SCAPER: variants seen among roughly 807,000 people sequenced by gnomAD.
SCAPER encodes the protein S phase cyclin A-associated protein in the endoplasmic reticulum.
SCAPER carries 98 observed loss-of-function variants against 182.2 expected under a neutral mutation model. The ratio of observed to expected loss-of-function variants is 0.54; its 90% CI spans 0.46 to 0.64. The LOEUF (loss-of-function observed/expected upper bound fraction) is 0.64, where lower values mean the gene tolerates loss of function less well. Ranked by LOEUF, SCAPER falls within the 30% of genes least tolerant of loss-of-function variation. The pLI is 0.00. For missense variants in SCAPER, 1,432 were observed against 1,690.0 expected, an observed-to-expected ratio of 0.85 and a Z score of 2.68; for synonymous variants, 605 against 564.6, an observed-to-expected ratio of 1.07 and a Z score of -1.01.
chr15:76,401,227 A>G (rs1437442237), intron 27 of SCAPER, among the ~76,000 whole-genome samples: 1 of 152,168 alleles, frequency 6.6e-6, no homozygotes, highest in Non-Finnish European at 1.5e-5. Flanking sequence ...AGAACTGTTT[A>G]TATTTCCTAA....
At chr15:76,724,718 T>C (rs2060479627) in intron 17 of SCAPER, among the ~76,000 whole-genome samples, 1 of 152,180 alleles carries the variant, frequency 6.6e-6, no homozygotes, top group Non-Finnish European at 1.5e-5. Flanking sequence ...TTGATCACAT[T>C]AGTTACTGAG....
chr15:76,541,790 A>G (rs1567402173), intron 23 of SCAPER, among the ~76,000 whole-genome samples: 2 of 152,218 alleles, frequency 1.3e-5, no homozygotes, highest in Non-Finnish European at 2.9e-5. Flanking sequence ...TTATCTTCCC[A>G]TGGCCCTTTT....
At chr15:76,357,492 G>A (rs943070829) in intron 29 of SCAPER, among the ~76,000 whole-genome samples, 2 of 152,140 alleles carry the variant, frequency 1.3e-5, no homozygotes, top group Admixed American at 6.5e-5. Context: ...AAAAGAGAAC[G>A]CTTATACGCT....
intron 13 of SCAPER, 83 bp downstream of exon 13, chr15:76,765,254 C>G: frequency 8.6e-7 from 1 of 1,163,500 alleles, no homozygotes; most frequent in South Asian, 1.5e-5. Flanking sequence ...TCCAAAAATG[C>G]CACGTAGCAA....
intron 20 of SCAPER, 35 bp downstream of exon 20, chr15:76,701,723 A>G (rs1405037466): frequency 6.6e-7 from 1 of 1,526,138 alleles, no homozygotes; most frequent in Non-Finnish European, 9.1e-7. Context: ...TGGGTACTCA[A>G]TAAACAATTG....
intron 20 of SCAPER, among the ~76,000 whole-genome samples, chr15:76,693,853 T>C (rs962546921): frequency 6.6e-6 from 1 of 151,488 alleles, no homozygotes; most frequent in Non-Finnish European, 1.5e-5. Context: ...AAGTTAATGT[T>C]TAATAGGCAC....
chr15:76,852,097 G>C (rs2070819841), intron 4 of SCAPER, among the ~76,000 whole-genome samples: 1 of 151,926 alleles, frequency 6.6e-6, no homozygotes, highest in Non-Finnish European at 1.5e-5. Context: ...ACAAAAAAAA[G>C]GGCATTACAT....
chr15:76,424,881 T>C (rs1008795302), intron 26 of SCAPER, among the ~76,000 whole-genome samples: 1 of 152,164 alleles, frequency 6.6e-6, no homozygotes, highest in Admixed American at 6.5e-5. Flanking sequence ...TTATGAAGCT[T>C]AGTTTGGCAG....
intron 23 of SCAPER, among the ~76,000 whole-genome samples, chr15:76,528,018 T>A (rs966515157): frequency 1.6e-4 from 25 of 152,188 alleles, no homozygotes; most frequent in African/African-American, 5.3e-4. Context: ...GGCTCTTCTC[T>A]TTTTGCCTTT....
At chr15:76,701,597 A>C (rs1369059835) in intron 20 of SCAPER, among the ~76,000 whole-genome samples, 161 bp downstream of exon 20, 1 of 152,198 alleles carries the variant, frequency 6.6e-6, no homozygotes, top group East Asian at 1.9e-4. Context: ...ATATACACTA[A>C]AATAATGACA....
chr15:76,666,935 T>C (rs1331210400), intron 20 of SCAPER, among the ~76,000 whole-genome samples: 1 of 152,190 alleles, frequency 6.6e-6, no homozygotes, highest in Non-Finnish European at 1.5e-5. Flanking sequence ...ATCCCATTCC[T>C]TGTCTCGCAT....
chr15:76,853,328 C>T (rs12913730), intron 4 of SCAPER, among the ~76,000 whole-genome samples: 64,815 of 151,910 alleles, frequency 0.43, 14,203 homozygotes, highest in East Asian at 0.59. Context: ...ACTCATTCTA[C>T]GAAGCCAGTA....
chr15:76,646,494 A>G (rs769632939), intron 21 of SCAPER, among the ~76,000 whole-genome samples: 4 of 152,112 alleles, frequency 2.6e-5, no homozygotes, highest in Non-Finnish European at 5.9e-5. Context: ...TCCTATTTCT[A>G]CCTCTACACA....
intron 8 of SCAPER, among the ~76,000 whole-genome samples, chr15:76,791,053 T>C (rs567455011): frequency 6.6e-6 from 1 of 152,356 alleles, no homozygotes; most frequent in African/African-American, 2.4e-5. Context: ...CTCGATGAGT[T>C]ATCTAAAAGC....
At chr15:76,881,056 C>T (rs577731132) in intron 2 of SCAPER, among the ~76,000 whole-genome samples, 7 of 152,208 alleles carry the variant, frequency 4.6e-5, no homozygotes, top group South Asian at 2.1e-4. Flanking sequence ...CTTTTGGTTA[C>T]GTACCCGAAA....
chr15:76,416,954 C>G (rs553802095), intron 26 of SCAPER, among the ~76,000 whole-genome samples: 110 of 152,070 alleles, frequency 7.2e-4, no homozygotes, highest in African/African-American at 2.6e-3. Flanking sequence ...GTAATCCCAG[C>G]TACTCTGGAG....
At chr15:76,539,690 C>A (rs1217670387) in intron 23 of SCAPER, among the ~76,000 whole-genome samples, 6 of 151,802 alleles carry the variant, frequency 4.0e-5, no homozygotes. Flanking sequence ...GGACTACAGG[C>A]GCCCGCCACC....
intron 29 of SCAPER, among the ~76,000 whole-genome samples, chr15:76,362,522 C>T (rs553234549): frequency 2.0e-5 from 3 of 151,788 alleles, no homozygotes; most frequent in Admixed American, 1.3e-4. Context: ...AAGCAATTCT[C>T]CTGCCTCAGC....
intron 22 of SCAPER, among the ~76,000 whole-genome samples, chr15:76,606,579 T>C (rs1291358548): frequency 6.6e-6 from 1 of 151,752 alleles, no homozygotes; most frequent in Non-Finnish European, 1.5e-5. Context: ...CTTGTTAACT[T>C]TCTGTCTTGT....
Sources: gnomAD v4.1 joint callset for allele counts (sites outside exome capture counted in the v4.1 genomes callset) on GRCh38, gnomAD v4.1.1 for gene constraint, MANE v1.5 for transcripts, NCBI Gene and HGNC (gene_info 2026-07-23, HGNC 2026-07-21) for gene names.